Variants in CDC23 observed in about 807,000 individuals in gnomAD.
CDC23 encodes the protein cell division cycle 23, also known as cell division cycle protein 23 homolog.
In CDC23, 26 loss-of-function variants were observed where a neutral mutation model predicts 81.7. That is an observed-to-expected ratio of 0.32 (90% confidence interval 0.23 to 0.44). CDC23 has a LOEUF of 0.44. Ranked by LOEUF, CDC23 falls within the 20% of genes least tolerant of loss-of-function variation. The pLI, the probability that CDC23 is intolerant of heterozygous loss-of-function variation, is 1.00. For missense variants in CDC23, 519 were observed against 728.0 expected (o/e 0.71, Z 3.30); for synonymous variants, 267 against 270.8 (o/e 0.99, Z 0.14).
intron 9 of CDC23, among the ~76,000 whole-genome samples, chr5:138,195,742 T>C (rs1326268411): frequency 8.4e-6 from 1 of 119,234 alleles, no homozygotes; most frequent in Non-Finnish European, 1.7e-5. Flanking sequence ...ACATATAATA[T>C]ATATGTATAT....
intron 2 of CDC23, among the ~76,000 whole-genome samples, chr5:138,209,386 C>G (rs1412361122): frequency 6.6e-6 from 1 of 150,490 alleles, no homozygotes; most frequent in African/African-American, 2.5e-5. Flanking sequence ...GGAGATCATG[C>G]CATTGCACTC....
chr5:138,208,814 G>C (rs761775534), intron 2 of CDC23, among the ~76,000 whole-genome samples: 1 of 152,128 alleles, frequency 6.6e-6, no homozygotes, highest in Non-Finnish European at 1.5e-5. Context: ...TTTGAGACAG[G>C]ATCTCACTCT....
rs1581492684 is a variant in CDC23 at position 138,213,065 on chromosome 5, T to C, written c.162-2A>G. The C allele has an allele frequency of 6.2e-7, 1 of 1,614,026 alleles. No individual in the cohort carries two copies. Among genetic ancestry groups the C allele is most frequent in the Non-Finnish European group, 8.5e-7 (1 of 1,179,988 alleles). ...AGAGAGAAAGCCAACTCCGCCGACC[T>C]GGAACACCCACACAAACTAGATCAG... On this transcript the variant is annotated splice_acceptor_variant, in intron 1 of 15. Transcript: ENST00000394886. LOFTEE classifies it high-confidence loss of function.
intron 2 of CDC23, among the ~76,000 whole-genome samples, chr5:138,207,028 C>T (rs1476709217): frequency 2.0e-5 from 3 of 151,746 alleles, no homozygotes; most frequent in African/African-American, 4.8e-5. Context: ...TACAGGTGTG[C>T]GCCACCACTT....
rs951015668 is a variant in CDC23 at position 138,188,860 on chromosome 5, G to A, written c.*118C>T. On this transcript the variant is annotated 3_prime_UTR_variant, in exon 16 of 16. Coordinates refer to ENST00000394886, the MANE Select transcript of CDC23 (RefSeq NM_004661.4). ...TTATACAAGCTGTCCCTATGGAGCTGTTGCCATCTGTAGAAACAAGAAGAG... is the reference window on the plus strand; with the variant it reads ...TTATACAAGCTGTCCCTATGGAGCTATTGCCATCTGTAGAAACAAGAAGAG... 8.5e-6 allele frequency: 8 copies of A among 939,664 alleles called. No individual in the cohort carries two copies. The highest frequency in any genetic ancestry group is 1.3e-5 in the Non-Finnish European group (8 of 638,756). The allele number at this position is 939,664 out of a possible 1,614,324, so 58.2% of individuals were successfully genotyped here.
chr5:138,195,652 ATT>A lies in CDC23; in HGVS notation c.1012+2545_1012+2546del, dbSNP rs1754885375. 6.9e-5 allele frequency among the ~76,000 whole-genome samples: 8 copies of A among 115,618 alleles called. No individual in the cohort carries two copies. The South Asian group carries it at 1.8e-3, about 27-fold the overall frequency. 75.8% of individuals were successfully genotyped at this position (115,618 alleles called of 152,430 possible). ...AAATATATATACATATATAATATAT[ATT>A]ATATACATATATTTTATATATGCAT... On this transcript the variant is annotated intron_variant, in intron 9 of 15. Transcript: ENST00000394886.
rs544326945 is a variant in CDC23 at position 138,192,095 on chromosome 5, A to T, written c.1287-158T>A. ...ACTTTGTGTTCATAATTATACTATT[A>T]ACCCATTAGTGAAATATACTAAATG... is the stretch of plus-strand genomic sequence containing the variant. On this transcript the variant is annotated intron_variant, in intron 11 of 15. Coordinates refer to ENST00000394886, the MANE Select transcript of CDC23 (RefSeq NM_004661.4). 7.6e-6 allele frequency: 7 copies of T among 917,296 alleles called. No homozygotes were observed. The Admixed American group carries it at 1.9e-4, about 24-fold the overall frequency. 56.8% of individuals were successfully genotyped at this position (917,296 alleles called of 1,614,324 possible). A position where few individuals can be genotyped will look rare whatever the true frequency, so the allele number is the denominator to read the frequency against.
At chr5:138,200,119 ATTT>A (rs1192030868) in intron 6 of CDC23, among the ~76,000 whole-genome samples, 4 of 151,992 alleles carry the variant, frequency 2.6e-5, no homozygotes, top group Non-Finnish European at 5.9e-5. Flanking sequence ...GGCCTGAACA[ATTT>A]TTTGTTTGTT....
At chr5:138,194,996 T>C (rs1350823871) in intron 9 of CDC23, among the ~76,000 whole-genome samples, 1 of 151,938 alleles carries the variant, frequency 6.6e-6, no homozygotes, top group Non-Finnish European at 1.5e-5. Flanking sequence ...ACTCCTGGGC[T>C]CAAGTAATCC....
In CDC23 at chr5:138,189,188, A is replaced by G. The variant is rs760228796; in HGVS notation, c.1624-40T>C. 3.8e-6 allele frequency: 6 copies of G among 1,584,620 alleles called. No individual in the cohort carries two copies. In the African/African-American group the frequency reaches 6.8e-5, roughly 18 times the overall value. On this transcript the variant is annotated intron_variant, in intron 15 of 15. Transcript: ENST00000394886. ...GGGAAATGTTTCAAAACATGTCCAA[A>G]GCTAGTCTCGAAAACAAGTTATTAA... is the stretch of plus-strand genomic sequence containing the variant.
intron 2 of CDC23, among the ~76,000 whole-genome samples, chr5:138,209,879 G>A (rs368805455): frequency 6.6e-6 from 1 of 151,678 alleles, no homozygotes; most frequent in Admixed American, 6.6e-5. Flanking sequence ...CGTAGATTGA[G>A]CAAGCATAAT....
intron 3 of CDC23, chr5:138,206,300 C>T (rs979172559): frequency 5.7e-6 from 3 of 524,934 alleles, no homozygotes; most frequent in Non-Finnish European, 1.0e-5. Flanking sequence ...GCATGAAGAA[C>T]CTTATATAAC....
chr5:138,203,947 G>A (rs1396338491), intron 3 of CDC23, among the ~76,000 whole-genome samples: 1 of 151,904 alleles, frequency 6.6e-6, no homozygotes, highest in Non-Finnish European at 1.5e-5. Context: ...ATAATAGATT[G>A]AATATAGTAT....
chr5:138,206,797 C>T (rs2126588972), intron 2 of CDC23, 113 bp from the exon 3 acceptor site: 1 of 936,840 alleles, frequency 1.1e-6, no homozygotes, highest in Non-Finnish European at 1.6e-6. Context: ...TGTTTTCTTC[C>T]TCCTAAAAAC....
chr5:138,191,456 T>C lies in CDC23; in HGVS notation c.1424+18A>G, dbSNP rs1329966311. 1 of 1,611,452 alleles carries C rather than the reference T, an allele frequency of 6.2e-7. No individual in the cohort carries two copies. Among genetic ancestry groups the C allele is most frequent in the South Asian group, 1.1e-5 (1 of 91,038 alleles). On this transcript the variant is annotated intron_variant, in intron 13 of 15. Transcript: ENST00000394886. ...AAGCCAACAGAAATATCAATAGCATTTCACTCCTTTCACTCACTTTGCCAG... is the reference window on the plus strand; with the variant it reads ...AAGCCAACAGAAATATCAATAGCATCTCACTCCTTTCACTCACTTTGCCAG...
Position 138,188,046 on chromosome 5 carries a change from A to C in CDC23, c.*932T>G, listed in dbSNP as rs1212682237. 1 of 152,342 alleles carries C rather than the reference A, an allele frequency of 6.6e-6. No homozygotes were observed. Among genetic ancestry groups the C allele is most frequent in the Non-Finnish European group, 1.5e-5 (1 of 68,116 alleles). 9.4% of individuals were successfully genotyped at this position (152,342 alleles called of 1,614,324 possible). On this transcript the variant is annotated 3_prime_UTR_variant, in exon 16 of 16. Coordinates refer to ENST00000394886, the MANE Select transcript of CDC23 (RefSeq NM_004661.4). ...ACATGCACAGGCCTGAAACTCTCCA[A>C]GAGCACCATAAGAATGATTCCCTTT...
Position 138,213,162 on chromosome 5 carries a change from T to C in CDC23, c.151A>G (p.Ser51Gly). ...ACTCCAACATCTCACCATTTGCTAC[T>C]GTGTAGTAGGCCCCGCTCCCGGGTA... is the stretch of plus-strand genomic sequence containing the variant. ...GLTRERGLLH[S>G]SKWSAELAFS... The change falls in exon 1 of 16, where the codon AGT (serine) becomes GGT (glycine). Residue 51 changes from serine to glycine, a missense_variant. Transcript: ENST00000394886. 6.2e-7 allele frequency: 1 copy of C among 1,614,124 alleles called. No individual in the cohort carries two copies. Among genetic ancestry groups the C allele is most frequent in the Non-Finnish European group, 8.5e-7 (1 of 1,180,036 alleles).
At chr5:138,196,187 G>C (rs1210923035) in intron 9 of CDC23, among the ~76,000 whole-genome samples, 1 of 151,362 alleles carries the variant, frequency 6.6e-6, no homozygotes, top group Non-Finnish European at 1.5e-5. Flanking sequence ...TGGGCATTAT[G>C]GATATATTAA....
Position 138,195,726 on chromosome 5 carries a change from ATATATACATAT to A in CDC23, c.1012+2462_1012+2472del, listed in dbSNP as rs1389160198. Among the ~76,000 whole-genome samples, 5 of 116,568 alleles carry A rather than the reference ATATATACATAT, an allele frequency of 4.3e-5. No individual in the cohort carries two copies. In the East Asian group the frequency reaches 1.1e-3, roughly 25 times the overall value. The allele number at this position is 116,568 out of a possible 152,430, so 76.5% of individuals were successfully genotyped here. On this transcript the variant is annotated intron_variant, in intron 9 of 15. Coordinates refer to ENST00000394886, the MANE Select transcript of CDC23 (RefSeq NM_004661.4). ...ATATATACATATAATATATATGTAT[ATATATACATAT>A]AATATATATGTATATATATACATAT... is the stretch of plus-strand genomic sequence containing the variant.
Sources: gnomAD v4.1 joint callset for allele counts (sites outside exome capture counted in the v4.1 genomes callset) on GRCh38, gnomAD v4.1.1 for gene constraint, MANE v1.5 for transcripts, NCBI Gene and HGNC (gene_info 2026-07-23, HGNC 2026-07-21) for gene names.